COBL: variants seen among roughly 807,000 people sequenced by gnomAD.
COBL encodes the protein cordon-bleu WH2 repeat protein.
Under a neutral mutation model 98.8 loss-of-function variants are expected in COBL, and 51 were observed. That is an observed-to-expected ratio of 0.52 (90% CI 0.41 to 0.65). The LOEUF is 0.65. Among genes scored for constraint, COBL ranks in the 30% least tolerant of loss-of-function variants. COBL has a pLI of 0.00. For synonymous variants in COBL, 634 were observed against 651.7 expected, an observed-to-expected ratio of 0.97 and a Z score of 0.41; for missense variants, 1,617 against 1,617.5, an observed-to-expected ratio of 1.00 and a Z score of 0.01.
chr7:51,144,326 C>T (rs541630899), intron 5 of COBL, among the ~76,000 whole-genome samples: 6 of 152,228 alleles, frequency 3.9e-5, no homozygotes, highest in South Asian at 2.1e-4. Context: ...TCAGGTACAG[C>T]GAGTTACTGG....
intron 2 of COBL, among the ~76,000 whole-genome samples, chr7:51,199,772 C>T (rs974101940): frequency 6.7e-6 from 1 of 148,394 alleles, no homozygotes; most frequent in Non-Finnish European, 1.5e-5. Flanking sequence ...TGAAATTAAC[C>T]AGTTAGAAGA....
chr7:51,217,694 T>A (rs1174344911), intron 2 of COBL, among the ~76,000 whole-genome samples: 1 of 152,190 alleles, frequency 6.6e-6, no homozygotes, highest in African/African-American at 2.4e-5. Flanking sequence ...GGCTAAAATA[T>A]AAGAATGGCG....
chr7:51,033,033 A>G (rs1177774296), intron 8 of COBL: 2 of 152,186 alleles, frequency 1.3e-5, no homozygotes, highest in Non-Finnish European at 2.9e-5. Flanking sequence ...TCACGTCACT[A>G]TGAGACATGG....
intron 1 of COBL, among the ~76,000 whole-genome samples, chr7:51,226,800 T>C (rs530620567): frequency 6.6e-6 from 1 of 152,234 alleles, no homozygotes; most frequent in East Asian, 1.9e-4. Flanking sequence ...AAGCCCTCAT[T>C]TTCTAAACAT....
At chr7:51,275,546 CT>C (rs1799223157) in intron 1 of COBL, among the ~76,000 whole-genome samples, 1 of 152,114 alleles carries the variant, frequency 6.6e-6, no homozygotes, top group African/African-American at 2.4e-5. Context: ...GAATTCTCCC[CT>C]GGGTCTCTCT....
chr7:51,177,402 G>A lies in COBL; in HGVS notation c.783+6700C>T, dbSNP rs1396195208. ...AGAGTTAACATTGAAATTAATATAT[G>A]TAATTAAATCTACTAGATAAAAGAG... On this transcript the variant is annotated intron_variant, in intron 5 of 12. Transcript: ENST00000265136. Among the ~76,000 whole-genome samples the A allele has an allele frequency of 2.0e-5, 3 of 152,270 alleles. No homozygotes were observed. In the East Asian group the frequency reaches 5.8e-4, roughly 29 times the overall value.
At chr7:51,052,379 G>C (rs1333299302) in intron 7 of COBL, among the ~76,000 whole-genome samples, 3 of 152,186 alleles carry the variant, frequency 2.0e-5, no homozygotes, top group Admixed American at 6.5e-5. Flanking sequence ...ACTTTTCTAA[G>C]CCAAAAGATT....
At chr7:51,158,987 G>A (rs1242703883) in intron 5 of COBL, among the ~76,000 whole-genome samples, 5 of 152,116 alleles carry the variant, frequency 3.3e-5, no homozygotes, top group Admixed American at 6.5e-5. Context: ...CCCAAGGGCC[G>A]ACCCTGGGAC....
In COBL at chr7:51,314,244, G is replaced by A. The variant is rs576586308; in HGVS notation, c.41+2349C>T. On this transcript the variant is annotated intron_variant, in intron 1 of 12. Coordinates refer to ENST00000265136, the MANE Select transcript of COBL (RefSeq NM_015198.5). ...AGCTTGTTTCTATACAACACAAGGA[G>A]GAGTGGTAGTTTCAGCAACAGCAAC... 5.3e-5 allele frequency among the ~76,000 whole-genome samples: 8 copies of A among 152,310 alleles called. No homozygotes were observed. The South Asian group carries it at 6.2e-4, about 12-fold the overall frequency.
chr7:51,255,969 G>A (rs888391060), intron 1 of COBL, among the ~76,000 whole-genome samples: 1 of 152,104 alleles, frequency 6.6e-6, no homozygotes, highest in African/African-American at 2.4e-5. Context: ...TGGGGACCCG[G>A]GCCAGCACCT....
chr7:51,178,694 C>T (rs1788648017), intron 5 of COBL, among the ~76,000 whole-genome samples: 2 of 152,070 alleles, frequency 1.3e-5, no homozygotes, highest in African/African-American at 2.4e-5. Flanking sequence ...CTGCAACCTC[C>T]GCCCCCTGGG....
rs1008333110 is a variant in COBL, at chr7:51,316,784, G to C, written c.-151C>G. On this transcript the variant is annotated 5_prime_UTR_variant, in exon 1 of 13. Coordinates refer to ENST00000265136, the MANE Select transcript of COBL (RefSeq NM_015198.5). Reference sequence around the variant, plus strand: ...GCGGAGGACAGCGGCGGAGCGCGGCGGACGGAAGGGGCTGGAATCGTCTCT... The same window carrying C: ...GCGGAGGACAGCGGCGGAGCGCGGCCGACGGAAGGGGCTGGAATCGTCTCT... 1.8e-6 allele frequency: 1 copy of C among 544,554 alleles called. No homozygotes were observed. The highest frequency in any genetic ancestry group is 2.0e-5 in the African/African-American group (1 of 49,756). 33.7% of individuals were successfully genotyped at this position (544,554 alleles called of 1,614,324 possible). A position where few individuals can be genotyped will look rare whatever the true frequency, so the allele number is the denominator to read the frequency against.
At chr7:51,056,309 C>T (rs964825510) in intron 7 of COBL, among the ~76,000 whole-genome samples, 1 of 151,664 alleles carries the variant, frequency 6.6e-6, no homozygotes, top group African/African-American at 2.4e-5. Context: ...AATGGGACCC[C>T]GAGATGCTGG....
intron 5 of COBL, among the ~76,000 whole-genome samples, chr7:51,141,970 C>G (rs931984270): frequency 2.0e-5 from 3 of 152,276 alleles, no homozygotes; most frequent in Non-Finnish European, 2.9e-5. Context: ...CAGGGCACAG[C>G]CTTCCTGACA....
At chr7:51,240,187 G>A (rs1190513993) in intron 1 of COBL, among the ~76,000 whole-genome samples, 1 of 152,206 alleles carries the variant, frequency 6.6e-6, no homozygotes, top group Non-Finnish European at 1.5e-5. Context: ...CAAGACCTAG[G>A]ATGGTGATGA....
At chr7:51,207,509 C>T (rs191011364) in intron 2 of COBL, among the ~76,000 whole-genome samples, 7 of 151,560 alleles carry the variant, frequency 4.6e-5, no homozygotes, top group East Asian at 1.9e-4. Flanking sequence ...GCTGCCATCT[C>T]GGCTCACTGC....
Position 51,219,863 on chromosome 7 carries a change from G to T in COBL, c.123C>A (p.His41Gln). The T allele has an allele frequency of 6.2e-7, 1 of 1,613,704 alleles. No homozygotes were observed. The highest frequency in any genetic ancestry group is 8.5e-7 in the Non-Finnish European group (1 of 1,180,034). ...TCTGCTGCGACCCGAGGGCCCCATC[G>T]TGGGGGGGCTTCTGGTCACTGTGCA... is the stretch of plus-strand genomic sequence containing the variant. ...LHVHSDQKPPHDGALGSQQNL... is the reference protein window; with the variant it reads ...LHVHSDQKPPQDGALGSQQNL... The change falls in exon 2 of 13, where the codon CAC (histidine) becomes CAA (glutamine). Residue 41 changes from histidine to glutamine, a missense_variant. His to Gln is a conservative substitution (Grantham distance 24). Around this residue, in one of 3 missense-constraint regions of COBL, gnomAD observed 238 missense variants for 215.0 expected, o/e 1.11. Coordinates refer to ENST00000265136, the MANE Select transcript of COBL (RefSeq NM_015198.5).
At chr7:51,237,878 T>C (rs1412218725) in intron 1 of COBL, among the ~76,000 whole-genome samples, 1 of 152,212 alleles carries the variant, frequency 6.6e-6, no homozygotes, top group Non-Finnish European at 1.5e-5. Flanking sequence ...TTTGTGGTTC[T>C]CTCTGAAGGC....
At chr7:51,090,132 A>G (rs527637336) in intron 6 of COBL, among the ~76,000 whole-genome samples, 1 of 152,200 alleles carries the variant, frequency 6.6e-6, no homozygotes, top group Non-Finnish European at 1.5e-5. Context: ...TTCAGTGAAG[A>G]GACAAGATCC....
Sources: gnomAD v4.1 joint callset for allele counts (sites outside exome capture counted in the v4.1 genomes callset) on GRCh38, gnomAD v4.1.1 for gene constraint, gnomAD v4.1.1 regional missense constraint, MANE v1.5 for transcripts, NCBI Gene and HGNC (gene_info 2026-07-23, HGNC 2026-07-21) for gene names.